The following PLCB1 variants were observed in gnomAD, a reference collection of about 807,000 sequenced individuals.
PLCB1 encodes phospholipase C beta 1.
PLCB1 carries 46 observed loss-of-function variants against 161.8 expected under a neutral mutation model. The ratio of observed to expected loss-of-function variants is 0.28; its 90% confidence interval spans 0.22 to 0.36. The LOEUF (loss-of-function observed/expected upper bound fraction) is 0.36. Among genes scored for constraint, PLCB1 ranks in the 10% least tolerant of loss-of-function variants. The probability of loss-of-function intolerance (pLI) is 1.00; values close to 1 mark genes in which losing one functional copy is unlikely to be tolerated. For missense variants in PLCB1, 1,016 were observed against 1,472.5 expected (o/e 0.69, Z 5.07); for synonymous variants, 517 against 503.7 (o/e 1.03, Z -0.35).
intron 2 of PLCB1, among the ~76,000 whole-genome samples, chr20:8,172,720 T>C (rs2051745198): frequency 6.6e-6 from 1 of 152,212 alleles, no homozygotes; most frequent in South Asian, 2.1e-4. Flanking sequence ...CATTTTTCTT[T>C]GTTCTTCTTC....
At chr20:8,623,243 A>G (rs1988234999) in intron 3 of PLCB1, among the ~76,000 whole-genome samples, 1 of 152,134 alleles carries the variant, frequency 6.6e-6, no homozygotes, top group Non-Finnish European at 1.5e-5. Flanking sequence ...TGGGAACTCC[A>G]GGGAACTTTT....
At chr20:8,762,198 G>A (rs949734114) in intron 25 of PLCB1, among the ~76,000 whole-genome samples, 6 of 152,080 alleles carry the variant, frequency 3.9e-5, no homozygotes, top group South Asian at 2.1e-4. Flanking sequence ...CAACAAGCGC[G>A]AAACTCTGTC....
intron 3 of PLCB1, among the ~76,000 whole-genome samples, chr20:8,478,640 ATTC>A (rs560652665): frequency 1.7e-3 from 259 of 152,284 alleles, no homozygotes; most frequent in Non-Finnish European, 2.5e-3. Context: ...AACTGTAGAA[ATTC>A]TTCTTATTCT....
chr20:8,782,872 A>G (rs1274854769), intron 27 of PLCB1, among the ~76,000 whole-genome samples: 1 of 152,230 alleles, frequency 6.6e-6, no homozygotes, highest in African/African-American at 2.4e-5. Flanking sequence ...CTTTTTGCCT[A>G]TGTTCCAAGA....
chr20:8,795,373 C>A (rs535568838), intron 31 of PLCB1, among the ~76,000 whole-genome samples: 46 of 152,294 alleles, frequency 3.0e-4, no homozygotes, highest in African/African-American at 9.9e-4. Context: ...TTGTACATTG[C>A]TGCACATAAG....
intron 3 of PLCB1, among the ~76,000 whole-genome samples, chr20:8,569,227 G>T (rs534865519): frequency 6.6e-6 from 1 of 152,192 alleles, no homozygotes; most frequent in Non-Finnish European, 1.5e-5. Context: ...AGAAAATATT[G>T]CCAGGACACT....
intron 2 of PLCB1, among the ~76,000 whole-genome samples, chr20:8,231,981 C>A (rs1040178048): frequency 1.3e-5 from 2 of 152,118 alleles, no homozygotes; most frequent in East Asian, 3.9e-4. Flanking sequence ...GGGTCAGAGT[C>A]GCCAATCTAT....
intron 2 of PLCB1, among the ~76,000 whole-genome samples, chr20:8,281,342 AT>A (rs111411107): frequency 0.36 from 53,855 of 151,698 alleles, 10,351 homozygotes; most frequent in African/African-American, 0.5. Flanking sequence ...TTTTTAATAC[AT>A]TTTTTTCTGT....
chr20:8,208,812 C>A (rs747735841), intron 2 of PLCB1, among the ~76,000 whole-genome samples: 40 of 151,940 alleles, frequency 2.6e-4, no homozygotes, highest in Non-Finnish European at 4.7e-4. Context: ...AATGAGAATA[C>A]CCTTTCAGAT....
rs45561932 is a variant in PLCB1 at position 8,790,412 on chromosome 20, A to C, written c.3423+151A>C. 2,491 of 580,284 alleles carry C rather than the reference A, an allele frequency of 4.3e-3. 49 individuals carry two copies. The highest frequency in any genetic ancestry group is 0.04 in the African/African-American group (2,144 of 53,064). 35.9% of individuals were successfully genotyped at this position (580,284 alleles called of 1,614,324 possible). On this transcript the variant is annotated intron_variant, in intron 31 of 31. Transcript: ENST00000338037. Reference sequence around the variant, plus strand: ...ATGTATCTTTCTCAATGAAGGAAAAAATATAGCAATATTCAGTAAGCATTT... The same window carrying C: ...ATGTATCTTTCTCAATGAAGGAAAACATATAGCAATATTCAGTAAGCATTT...
intron 9 of PLCB1, among the ~76,000 whole-genome samples, chr20:8,679,530 C>T (rs925152528): frequency 1.3e-5 from 2 of 152,186 alleles, no homozygotes; most frequent in African/African-American, 4.8e-5. Flanking sequence ...TCACTGGATA[C>T]ACTTCAGGGT....
chr20:8,562,076 C>A lies in PLCB1; in HGVS notation c.247-66218C>A, dbSNP rs1986158391. Among the ~76,000 whole-genome samples, 2 of 151,978 alleles carry A rather than the reference C, an allele frequency of 1.3e-5. 1 individual carries two copies. Among genetic ancestry groups the A allele is most frequent in the Non-Finnish European group, 2.9e-5 (2 of 67,970 alleles). On this transcript the variant is annotated intron_variant, in intron 3 of 31. Transcript: ENST00000338037. Reference sequence around the variant, plus strand: ...GAGCAAACGGTCTTCGCTAAGTGAACTCATAGCTTAGCCAAAGTCTTTCAG... The same window carrying A: ...GAGCAAACGGTCTTCGCTAAGTGAAATCATAGCTTAGCCAAAGTCTTTCAG...
At chr20:8,547,413 CG>C (rs1985593315) in intron 3 of PLCB1, among the ~76,000 whole-genome samples, 1 of 152,124 alleles carries the variant, frequency 6.6e-6, no homozygotes, top group East Asian at 1.9e-4. Context: ...ACTAGTCCTG[CG>C]TGGGGACATA....
At chr20:8,754,262 G>A (rs577767545) in intron 23 of PLCB1, among the ~76,000 whole-genome samples, 1 of 151,430 alleles carries the variant, frequency 6.6e-6, no homozygotes, top group Non-Finnish European at 1.5e-5. Flanking sequence ...ATTGACAATC[G>A]AACTTGGTTT....
At chr20:8,657,389 CTG>C (rs748719469) in intron 8 of PLCB1, 105 bp downstream of exon 8, 7 of 742,500 alleles carry the variant, frequency 9.4e-6, no homozygotes, top group African/African-American at 1.7e-5. Context: ...ACATCATACA[CTG>C]TGTCTAAAAG....
intron 3 of PLCB1, among the ~76,000 whole-genome samples, chr20:8,543,871 C>G (rs906165987): frequency 6.6e-6 from 1 of 152,096 alleles, no homozygotes; most frequent in Non-Finnish European, 1.5e-5. Context: ...AGGGACCTTC[C>G]ACCATGATTG....
intron 2 of PLCB1, among the ~76,000 whole-genome samples, chr20:8,215,250 G>T (rs1979054308): frequency 6.6e-6 from 1 of 151,830 alleles, no homozygotes; most frequent in South Asian, 2.1e-4. Context: ...AGATGTATCT[G>T]CTTCTTAAAT....
chr20:8,278,437 G>T (rs1982702935), intron 2 of PLCB1, among the ~76,000 whole-genome samples: 1 of 150,622 alleles, frequency 6.6e-6, no homozygotes, highest in Non-Finnish European at 1.5e-5. Flanking sequence ...TTAAGTATCT[G>T]TGATACATGT....
intron 31 of PLCB1, among the ~76,000 whole-genome samples, chr20:8,842,876 T>C (rs1986559831): frequency 6.6e-6 from 1 of 152,220 alleles, no homozygotes; most frequent in Admixed American, 6.5e-5. Flanking sequence ...TGCTGGGCTA[T>C]CTGCCTGTGG....
Sources: allele counts gnomAD v4.1 joint callset (sites outside exome capture counted in the v4.1 genomes callset), GRCh38; gene constraint gnomAD v4.1.1; transcripts MANE v1.5; gene names NCBI Gene and HGNC (gene_info 2026-07-23, HGNC 2026-07-21).